The following GALNS variants were observed in gnomAD, a reference collection of about 807,000 sequenced individuals.
GALNS encodes the protein N-acetylgalactosamine-6-sulfatase.
Under a neutral mutation model 65.9 loss-of-function variants are expected in GALNS, and 65 were observed. The ratio of observed to expected loss-of-function variants is 0.99; its 90% CI spans 0.81 to 1.21. The LOEUF is 1.21. GALNS is among the 50% of genes most tolerant of loss of function. GALNS has a pLI of 0.00. For synonymous variants in GALNS, 346 were observed against 288.9 expected (o/e 1.20, Z -2.00); for missense variants, 776 against 700.7 (o/e 1.11, Z -1.21).
intron 13 of GALNS, chr16:88,815,335 C>A (rs1212868302): frequency 2.0e-6 from 2 of 985,376 alleles, no homozygotes; most frequent in Non-Finnish European, 2.4e-6. Context: ...CCACCCTGAG[C>A]TTCTCAACTC....
rs1033564006 is a variant in GALNS, at chr16:88,855,763, G to C, written c.120+995C>G. 33 of 544,754 alleles carry C rather than the reference G, an allele frequency of 6.1e-5. No homozygotes were observed. The East Asian group carries it at 1.0e-3, about 17-fold the overall frequency. 33.7% of individuals were successfully genotyped at this position (544,754 alleles called of 1,614,324 possible). A position where few individuals can be genotyped will look rare whatever the true frequency, so the allele number is the denominator to read the frequency against. On this transcript the variant is annotated intron_variant, in intron 1 of 13. Coordinates refer to ENST00000268695, the MANE Select transcript of GALNS (RefSeq NM_000512.5). ...CCTTCCAATTCCGACAGCCACGACT[G>C]CCCAGCCCTTGGGTGTGGCCCGTGG...
At chr16:88,817,821 G>A (rs919484922) in intron 13 of GALNS, among the ~76,000 whole-genome samples, 186 bp downstream of exon 13, 23 of 152,300 alleles carry the variant, frequency 1.5e-4, no homozygotes, top group Non-Finnish European at 2.4e-4. Flanking sequence ...TCCCCGAGTC[G>A]CTTGGCTCCT....
At chr16:88,829,337 G>A (rs1222231914) in intron 9 of GALNS, among the ~76,000 whole-genome samples, 1 of 152,168 alleles carries the variant, frequency 6.6e-6, no homozygotes, top group Non-Finnish European at 1.5e-5. Flanking sequence ...TCTGTCCTAG[G>A]GGCACCCCAC....
chr16:88,826,756 G>C lies in GALNS; in HGVS notation c.1085C>G (p.Ala362Gly), dbSNP rs1488666604. ...GGGGAGGAGGTTGAGGCCATCAATG[G>C]CCCTGTCGCTGGGCGGCGTCAGGCC... The part of the protein sequence containing the change: ...LAGLTPPSDR[A>G]IDGLNLLPTL... The change falls in exon 10 of 14, where the codon GCC becomes GGC. Residue 362 changes from alanine (A) to glycine (G), a missense_variant. By Grantham distance (60) the Ala-to-Gly change is moderately conservative. Transcript: ENST00000268695. The C allele has an allele frequency of 6.2e-7, 1 of 1,611,528 alleles. No individual in the cohort carries two copies. The highest frequency in any genetic ancestry group is 8.5e-7 in the Non-Finnish European group (1 of 1,179,376).
At chr16:88,849,993 C>T (rs145378122) in intron 1 of GALNS, among the ~76,000 whole-genome samples, 129 of 152,292 alleles carry the variant, frequency 8.5e-4, no homozygotes, top group Middle Eastern at 3.4e-3. Context: ...CAGGCTGGGA[C>T]GGTACAGCTC....
At chr16:88,822,482 G>A (rs1039715748) in intron 12 of GALNS, 107 bp downstream of exon 12, 27 of 1,454,552 alleles carry the variant, frequency 1.9e-5, no homozygotes, top group Middle Eastern at 4.2e-4. Flanking sequence ...ATGCAGGCAA[G>A]GGGAGGCGGC....
intron 1 of GALNS, among the ~76,000 whole-genome samples, chr16:88,849,119 T>C (rs1053682984): frequency 7.2e-5 from 11 of 152,150 alleles, no homozygotes; most frequent in Non-Finnish European, 1.3e-4. Context: ...CCTTTTGAGA[T>C]GGTTTATTTT....
At position 88,842,986 on chromosome 16, in the gene GALNS, G is replaced by A. The variant is rs1249952028; in HGVS notation, c.121-157C>T. ...CAGAGCTCGGCCAAACCCCAGCATC[G>A]CCTGCGTGCGTGCACGATGGGGCCG... On this transcript the variant is annotated intron_variant, in intron 1 of 13. Coordinates refer to ENST00000268695, the MANE Select transcript of GALNS (RefSeq NM_000512.5). The A allele has an allele frequency of 2.7e-6, 4 of 1,506,870 alleles. No individual in the cohort carries two copies. The highest frequency in any genetic ancestry group is 2.0e-5 in the Admixed American group (1 of 50,342). The allele number at this position is 1,506,870 out of a possible 1,614,324, so 93.3% of individuals were successfully genotyped here.
At chr16:88,842,938 C>G (rs1967050027) in intron 1 of GALNS, 109 bp from the exon 2 acceptor site, 16 of 1,542,102 alleles carry the variant, frequency 1.0e-5, no homozygotes, top group South Asian at 7.1e-5. Flanking sequence ...GAAGCCAGCA[C>G]CACCCTGTGT....
chr16:88,831,211 G>A (rs527303018), intron 9 of GALNS, among the ~76,000 whole-genome samples: 2 of 151,986 alleles, frequency 1.3e-5, no homozygotes, highest in African/African-American at 2.4e-5. Flanking sequence ...GTTCCGAGGA[G>A]AGCGGTGAGG....
intron 10 of GALNS, among the ~76,000 whole-genome samples, chr16:88,825,998 A>G (rs1347481151): frequency 2.0e-5 from 3 of 152,146 alleles, no homozygotes; most frequent in African/African-American, 4.8e-5. Flanking sequence ...GGGGGTAGGA[A>G]ATGGACTTTG....
intron 9 of GALNS, among the ~76,000 whole-genome samples, chr16:88,829,626 G>A: frequency 6.6e-6 from 1 of 152,218 alleles, no homozygotes; most frequent in East Asian, 1.9e-4. Flanking sequence ...GGGGACACAG[G>A]GGACTGCCCA....
rs761725425 is a variant in GALNS, at chr16:88,837,697, T to C, written c.491A>G (p.Asn164Ser). 5 of 1,613,928 alleles carry C rather than the reference T, an allele frequency of 3.1e-6. No homozygotes were observed. The highest frequency in any genetic ancestry group is 4.2e-6 in the Non-Finnish European group (5 of 1,179,952). ...HGFDEWFGSP[N>S]CHFGPYDNKA... ...GTTGTCATAAGGTCCAAAGTGGCAGTTGGGGGATCCAAACCACTCATCAAA... is the reference window on the plus strand; with the variant it reads ...GTTGTCATAAGGTCCAAAGTGGCAGCTGGGGGATCCAAACCACTCATCAAA... Residue 164 changes from asparagine (N) to serine (S), a missense_variant, in exon 5 of 14, where the codon AAC becomes AGC. Transcript: ENST00000268695.
At position 88,856,355 on chromosome 16, in the gene GALNS, T is replaced by C; in HGVS notation, c.120+403A>G. On this transcript the variant is annotated intron_variant, in intron 1 of 13. Transcript: ENST00000268695. The stretch of plus-strand genomic sequence containing the variant: ...GGCAGGAGCAGCCTCTTCCTCCCTT[T>C]GGGGAGGCCACGCTGCGCGCCCACC... The C allele has an allele frequency of 8.5e-6, 6 of 701,980 alleles. No individual in the cohort carries two copies. The East Asian group carries it at 1.3e-4, about 16-fold the overall frequency. 43.5% of individuals were successfully genotyped at this position (701,980 alleles called of 1,614,324 possible).
chr16:88,825,865 G>C lies in GALNS; in HGVS notation c.1139+837C>G, dbSNP rs79503891. Among the ~76,000 whole-genome samples the C allele has an allele frequency of 5.6e-3, 846 of 152,282 alleles. 11 individuals are homozygous for C. Among genetic ancestry groups the C allele is most frequent in the African/African-American group, 0.019 (810 of 41,546 alleles). ...GCAAAACTCCCTCTACCCGGCCCCA[G>C]ATAGCCGGAGGCGGCAGCTGCCTTG... On this transcript the variant is annotated intron_variant, in intron 10 of 13. Transcript: ENST00000268695.
At chr16:88,836,074 C>T in intron 6 of GALNS, 127 bp downstream of exon 6, 1 of 1,116,942 alleles carries the variant, frequency 9.0e-7, no homozygotes. Context: ...TGATGAGGTC[C>T]CTGAACCCAT....
chr16:88,817,067 G>A (rs1379108267), intron 13 of GALNS: 13 of 985,462 alleles, frequency 1.3e-5, no homozygotes, highest in Non-Finnish European at 1.4e-5. Context: ...CCCATCTGAA[G>A]GAGCTGTGAA....
At chr16:88,846,650 C>T (rs1030178318) in intron 1 of GALNS, among the ~76,000 whole-genome samples, 1 of 151,160 alleles carries the variant, frequency 6.6e-6, no homozygotes, top group Admixed American at 6.6e-5. Context: ...CAAGCGATTA[C>T]TCCTGCCTCA....
chr16:88,833,739 C>A (rs980532976), intron 8 of GALNS, among the ~76,000 whole-genome samples: 1 of 152,202 alleles, frequency 6.6e-6, no homozygotes, highest in Non-Finnish European at 1.5e-5. Flanking sequence ...TGTGAGCCAC[C>A]ACGCCCAGCC....
Sources: allele counts gnomAD v4.1 joint callset (sites outside exome capture counted in the v4.1 genomes callset), GRCh38; gene constraint gnomAD v4.1.1; transcripts MANE v1.5; gene names NCBI Gene and HGNC (gene_info 2026-07-23, HGNC 2026-07-21).